The following DNAI1 variants were observed in gnomAD, a reference collection of about 807,000 sequenced individuals.
DNAI1 encodes the protein dynein axonemal intermediate chain 1, also known as dynein, axonemal, intermediate polypeptide 1.
Under a neutral mutation model 92.0 loss-of-function variants are expected in DNAI1, and 67 were observed. That is an observed-to-expected ratio of 0.73 (90% CI 0.60 to 0.89). DNAI1 has a LOEUF of 0.89. Among genes scored for constraint, DNAI1 ranks in the 40% least tolerant of loss-of-function variants. DNAI1 has a pLI of 0.00. For missense variants in DNAI1, 839 were observed against 866.6 expected (o/e 0.97, Z 0.40); for synonymous variants, 323 against 319.6 (o/e 1.01, Z -0.11).
At position 34,512,363 on chromosome 9, in the gene DNAI1, C is replaced by G. The variant is rs764834552; in HGVS notation, c.1428C>G (p.Ile476Met). ...GAAAGCTGGTTCACATAGATGTCAT[C>G]AAGCTGAAGGTGGAAGGCAGCACCA... The part of the protein sequence containing the change: ...VKRKLVHIDV[I>M]KLKVEGSTTE... The change falls in exon 15 of 20, where the codon ATC becomes ATG. Residue 476 changes from isoleucine (I) to methionine (M), a missense_variant. Coordinates refer to ENST00000242317, the MANE Select transcript of DNAI1 (RefSeq NM_012144.4). 3.7e-6 allele frequency: 6 copies of G among 1,614,016 alleles called. No homozygotes were observed. The highest frequency in any genetic ancestry group is 5.1e-6 in the Non-Finnish European group (6 of 1,180,026).
At chr9:34,459,740 C>G (rs1049398835) in intron 1 of DNAI1, among the ~76,000 whole-genome samples, 3 of 152,270 alleles carry the variant, frequency 2.0e-5, no homozygotes, top group Non-Finnish European at 4.4e-5. Context: ...GCCACGGCGC[C>G]CAGCCTCAAA....
At chr9:34,512,010 C>T (rs1825073620) in intron 13 of DNAI1, 99 bp from the exon 14 acceptor site, 1 of 1,135,180 alleles carries the variant, frequency 8.8e-7, no homozygotes, top group Non-Finnish European at 1.3e-6. Flanking sequence ...GAAGTTGCTT[C>T]TGAGCCTCAG....
chr9:34,466,199 G>A (rs529636622), intron 1 of DNAI1, among the ~76,000 whole-genome samples: 1 of 152,270 alleles, frequency 6.6e-6, no homozygotes, highest in Non-Finnish European at 1.5e-5. Flanking sequence ...TTTCTTTCTT[G>A]GCCTGCAGAA....
At chr9:34,512,976 G>A (rs550176777) in intron 15 of DNAI1, 136 bp from the exon 16 acceptor site, 2 of 784,718 alleles carry the variant, frequency 2.5e-6, no homozygotes, top group East Asian at 4.9e-5. Context: ...GCCCTTACAG[G>A]GGCCCTAGTT....
At position 34,489,380 on chromosome 9, in the gene DNAI1, G is replaced by T. The variant is rs746448168; in HGVS notation, c.319G>T (p.Val107Phe). ...VNQLAVHYTQ[V>F]GNLIPKDSDE... Reference sequence around the variant, plus strand: ...CCAACTGGCAGTTCACTACACCCAGGTTGGGAACCTGATCCCCAAAGACTC... The same window carrying T: ...CCAACTGGCAGTTCACTACACCCAGTTTGGGAACCTGATCCCCAAAGACTC... Residue 107 changes from valine to phenylalanine, a missense_variant, in exon 5 of 20, where the codon GTT (valine) becomes TTT (phenylalanine). By Grantham distance (50) the Val-to-Phe change is conservative. Transcript: ENST00000242317. The T allele has an allele frequency of 1.2e-6, 2 of 1,614,068 alleles. No homozygotes were observed. The highest frequency in any genetic ancestry group is 1.7e-6 in the Non-Finnish European group (2 of 1,179,964).
At chr9:34,493,439 G>A in intron 9 of DNAI1, 111 bp downstream of exon 9, 4 of 1,435,334 alleles carry the variant, frequency 2.8e-6, no homozygotes, top group Admixed American at 1.7e-5. Flanking sequence ...CTTAAATCAG[G>A]GACTAATGTT....
chr9:34,501,010 G>A, intron 11 of DNAI1, 128 bp from the exon 12 acceptor site: 1 of 989,228 alleles, frequency 1.0e-6, no homozygotes, highest in Non-Finnish European at 1.6e-6. Context: ...ACTCCCAAGT[G>A]GTGAGGGCCT....
chr9:34,484,523 A>C (rs1319496030), intron 2 of DNAI1, among the ~76,000 whole-genome samples: 4 of 152,184 alleles, frequency 2.6e-5, no homozygotes, highest in Non-Finnish European at 5.9e-5. Flanking sequence ...TATTTTGTAT[A>C]ATTTTGATTG....
At chr9:34,486,302 T>C (rs1824469435) in intron 4 of DNAI1, among the ~76,000 whole-genome samples, 2 of 152,202 alleles carry the variant, frequency 1.3e-5, no homozygotes, top group South Asian at 4.1e-4. Context: ...CCCCTTTCTT[T>C]GGTACAGGGA....
intron 4 of DNAI1, among the ~76,000 whole-genome samples, chr9:34,486,644 A>C (rs879489232): frequency 4.6e-5 from 7 of 152,124 alleles, no homozygotes; most frequent in Non-Finnish European, 7.4e-5. Context: ...TTCATATACT[A>C]TACAATTCAC....
rs548860209 is a variant in DNAI1 at position 34,458,864 on chromosome 9, C to G, written c.-142C>G. On this transcript the variant is annotated 5_prime_UTR_variant, in exon 1 of 20. Transcript: ENST00000242317. This position sits in a 1 kb window ranked among gnomAD's most constrained non-coding sequence, Gnocchi z 6.6. ...TATCCTGCAAGGGCACGGGGACCCA[C>G]AACGACGGCTGTCCCTAAAGAACCG... The G allele has an allele frequency of 2.6e-6, 2 of 760,066 alleles. No individual in the cohort carries two copies. Among genetic ancestry groups the G allele is most frequent in the South Asian group, 2.9e-5 (2 of 68,632 alleles). 47.1% of individuals were successfully genotyped at this position (760,066 alleles called of 1,614,324 possible). A position where few individuals can be genotyped will look rare whatever the true frequency, so the allele number is the denominator to read the frequency against.
chr9:34,492,493 G>GAGATAGATAT (rs1271867592), intron 8 of DNAI1, among the ~76,000 whole-genome samples: 3 of 68,268 alleles, frequency 4.4e-5, no homozygotes, highest in Non-Finnish European at 6.1e-5. Context: ...GGGATATGAA[G>GAGATAGATAT]ATATATATAT....
intron 1 of DNAI1, among the ~76,000 whole-genome samples, chr9:34,466,202 C>T (rs546925230): frequency 1.3e-5 from 2 of 152,304 alleles, no homozygotes; most frequent in South Asian, 4.1e-4. Flanking sequence ...CTTTCTTGGC[C>T]TGCAGAAGAA....
intron 19 of DNAI1, among the ~76,000 whole-genome samples, chr9:34,517,668 C>T (rs893949592): frequency 6.6e-6 from 1 of 152,190 alleles, no homozygotes; most frequent in Non-Finnish European, 1.5e-5. Context: ...ATTTGAGTTA[C>T]CTGTGGGGCC....
chr9:34,509,895 G>A (rs1339133461), intron 13 of DNAI1, among the ~76,000 whole-genome samples: 8 of 125,188 alleles, frequency 6.4e-5, no homozygotes, highest in South Asian at 2.7e-4. Flanking sequence ...GCGAGACTCC[G>A]TCTCAAAAAA....
At chr9:34,483,502 G>A in intron 2 of DNAI1, 22 bp downstream of exon 2, 8 of 1,608,218 alleles carry the variant, frequency 5.0e-6, no homozygotes, top group South Asian at 2.2e-5. Context: ...GACTACCATG[G>A]TCTCTCAGCA....
chr9:34,496,915 C>T (rs1322850929), intron 9 of DNAI1, among the ~76,000 whole-genome samples, 200 bp from the exon 10 acceptor site: 1 of 152,188 alleles, frequency 6.6e-6, no homozygotes, highest in Non-Finnish European at 1.5e-5. Flanking sequence ...CTTTGTGCCA[C>T]TTGTGAGGTA....
At chr9:34,480,397 C>T (rs944871138) in intron 1 of DNAI1, among the ~76,000 whole-genome samples, 3 of 150,580 alleles carry the variant, frequency 2.0e-5, no homozygotes, top group African/African-American at 7.3e-5. Flanking sequence ...CTTGCCTCAG[C>T]CGCTTGAATA....
chr9:34,518,315 C>T (rs1229860463), intron 19 of DNAI1, among the ~76,000 whole-genome samples: 1 of 152,254 alleles, frequency 6.6e-6, no homozygotes, highest in Admixed American at 6.5e-5. Flanking sequence ...CTTTCGACTA[C>T]TGTCTTCCCT....
Sources: allele counts gnomAD v4.1 joint callset (sites outside exome capture counted in the v4.1 genomes callset), GRCh38; gene constraint gnomAD v4.1.1; non-coding constraint Gnocchi (gnomAD v3.1); transcripts MANE v1.5; gene names NCBI Gene and HGNC (gene_info 2026-07-23, HGNC 2026-07-21).